The following LDB2 variants were observed in gnomAD, a reference collection of about 807,000 sequenced individuals.
The protein encoded by LDB2 is LIM domain-binding protein 2.
A neutral mutation model predicts 44.3 loss-of-function variants in LDB2; 12 were observed. The ratio of observed to expected loss-of-function variants is 0.27; its 90% CI spans 0.17 to 0.44. The LOEUF is 0.44. LDB2 is among the 20% of genes least tolerant of loss of function. The probability of loss-of-function intolerance (pLI) is 1.00; values close to 1 mark genes in which losing one functional copy is unlikely to be tolerated. For synonymous variants in LDB2, 164 were observed against 174.8 expected, an observed-to-expected ratio of 0.94 and a Z score of 0.49; for missense variants, 344 against 473.5, an observed-to-expected ratio of 0.73 and a Z score of 2.54.
intron 4 of LDB2, among the ~76,000 whole-genome samples, chr4:16,587,932 G>T (rs13132786): frequency 0.31 from 47,310 of 151,862 alleles, 7,471 homozygotes; most frequent in South Asian, 0.36. Flanking sequence ...TCAGTAAATG[G>T]TAGTTACTGT....
intron 5 of LDB2, among the ~76,000 whole-genome samples, chr4:16,575,176 T>C (rs1747863012): frequency 6.6e-6 from 1 of 152,178 alleles, no homozygotes; most frequent in African/African-American, 2.4e-5. Flanking sequence ...TGGTTAATGA[T>C]GACTATGCAG....
intron 6 of LDB2, 154 bp downstream of exon 6, chr4:16,511,827 A>G: frequency 2.4e-6 from 2 of 821,220 alleles, no homozygotes; most frequent in Non-Finnish European, 3.7e-6. Context: ...TCACAAATTC[A>G]TTGTCTTTAT....
At chr4:16,674,308 C>G in intron 2 of LDB2, 2 of 1,271,816 alleles carry the variant, frequency 1.6e-6, no homozygotes, top group Non-Finnish European at 2.1e-6. Context: ...GCATCTGCCG[C>G]TGAATGCACA....
chr4:16,725,826 G>T (rs1759308609), intron 2 of LDB2, among the ~76,000 whole-genome samples: 1 of 150,898 alleles, frequency 6.6e-6, no homozygotes, highest in Non-Finnish European at 1.5e-5. Context: ...TAAATAAATA[G>T]CCATTGCTTG....
chr4:16,798,684 G>C (rs974149417), intron 1 of LDB2, among the ~76,000 whole-genome samples: 1 of 152,118 alleles, frequency 6.6e-6, no homozygotes, highest in African/African-American at 2.4e-5. Context: ...TGTAAGAACA[G>C]AATCTGCCCC....
chr4:16,562,590 A>G (rs62296925), intron 5 of LDB2, among the ~76,000 whole-genome samples: 49 of 152,360 alleles, frequency 3.2e-4, no homozygotes, highest in Non-Finnish European at 6.5e-4. Context: ...GGATGTGGAC[A>G]AATAGGAACA....
chr4:16,692,247 G>C (rs540212315), intron 2 of LDB2, among the ~76,000 whole-genome samples: 1 of 152,200 alleles, frequency 6.6e-6, no homozygotes, highest in African/African-American at 2.4e-5. Flanking sequence ...TGAAGTACAA[G>C]TTGGATATAC....
intron 1 of LDB2, among the ~76,000 whole-genome samples, chr4:16,884,247 T>A (rs954439037): frequency 6.6e-6 from 1 of 152,228 alleles, no homozygotes; most frequent in Non-Finnish European, 1.5e-5. Flanking sequence ...AGGGCTTTCA[T>A]GCCTTACCTC....
intron 1 of LDB2, among the ~76,000 whole-genome samples, chr4:16,833,037 C>G (rs1345322827): frequency 6.6e-6 from 1 of 152,140 alleles, no homozygotes; most frequent in Non-Finnish European, 1.5e-5. Context: ...TTGCTCCTTC[C>G]AATGCTCCAC....
intron 5 of LDB2, among the ~76,000 whole-genome samples, chr4:16,520,789 T>A (rs1191559044): frequency 6.6e-6 from 1 of 152,150 alleles, no homozygotes; most frequent in Non-Finnish European, 1.5e-5. Context: ...GCTTGGACTG[T>A]TTTCCTACCC....
intron 1 of LDB2, among the ~76,000 whole-genome samples, chr4:16,843,163 C>G (rs573683006): frequency 3.3e-5 from 5 of 152,146 alleles, no homozygotes; most frequent in Non-Finnish European, 7.3e-5. Context: ...ACACCTTGTT[C>G]AATGTCTATA....
intron 1 of LDB2, among the ~76,000 whole-genome samples, chr4:16,791,968 TG>T (rs1775854242): frequency 6.6e-6 from 1 of 152,228 alleles, no homozygotes; most frequent in Non-Finnish European, 1.5e-5. Flanking sequence ...TGATACTTCC[TG>T]ATCCCCTTAA....
chr4:16,809,718 C>T (rs1190838999), intron 1 of LDB2, among the ~76,000 whole-genome samples: 1 of 66,026 alleles, frequency 1.5e-5, no homozygotes, highest in South Asian at 8.2e-4. Context: ...CTGGCCTGTA[C>T]AAAACAAAAC....
intron 1 of LDB2, among the ~76,000 whole-genome samples, chr4:16,848,185 CA>C (rs1336452805): frequency 5.9e-5 from 9 of 151,738 alleles, no homozygotes; most frequent in Admixed American, 2.6e-4. Context: ...TTTTAAAAAG[CA>C]AAAAAGAACT....
chr4:16,879,860 A>T (rs1242374422), intron 1 of LDB2, among the ~76,000 whole-genome samples: 4 of 152,148 alleles, frequency 2.6e-5, no homozygotes, highest in Non-Finnish European at 5.9e-5. Flanking sequence ...TAACATCTCC[A>T]TGAAGCCTCA....
chr4:16,699,545 T>C (rs1184224581), intron 2 of LDB2, among the ~76,000 whole-genome samples: 1 of 152,226 alleles, frequency 6.6e-6, no homozygotes, highest in Non-Finnish European at 1.5e-5. Context: ...ATATCCATTA[T>C]GCAAATAGAT....
intron 1 of LDB2, among the ~76,000 whole-genome samples, chr4:16,772,343 A>G (rs1025297736): frequency 1.1e-4 from 17 of 152,214 alleles, no homozygotes; most frequent in Non-Finnish European, 2.4e-4. Flanking sequence ...AGCCTGGCAT[A>G]TAATAGGTGG....
At chr4:16,768,668 T>A (rs1769908297) in intron 1 of LDB2, among the ~76,000 whole-genome samples, 1 of 152,190 alleles carries the variant, frequency 6.6e-6, no homozygotes, top group Admixed American at 6.5e-5. Flanking sequence ...GATTCCTTAA[T>A]CACAAGCCAC....
At chr4:16,681,165 T>G (rs1315130397) in intron 2 of LDB2, among the ~76,000 whole-genome samples, 2 of 152,202 alleles carry the variant, frequency 1.3e-5, no homozygotes, top group African/African-American at 4.8e-5. Context: ...CAGAGTTTTC[T>G]CTGGCTGGTT....
Sources: allele counts gnomAD v4.1 joint callset (sites outside exome capture counted in the v4.1 genomes callset), GRCh38; gene constraint gnomAD v4.1.1; transcripts MANE v1.5; gene names NCBI Gene and HGNC (gene_info 2026-07-23, HGNC 2026-07-21).